The following CNOT10 variants were observed in gnomAD, a reference collection of about 807,000 sequenced individuals.
CNOT10 encodes CCR4-NOT transcription complex, subunit 10.
In CNOT10, 30 loss-of-function variants were observed where a neutral mutation model predicts 94.6. The ratio of observed to expected loss-of-function variants is 0.32; its 90% CI spans 0.24 to 0.43. CNOT10 has a LOEUF of 0.43. Among genes scored for constraint, CNOT10 ranks in the 20% least tolerant of loss-of-function variants. CNOT10 has a pLI of 1.00. For missense variants in CNOT10, 759 were observed against 877.2 expected (o/e 0.87, Z 1.70); for synonymous variants, 289 against 301.6 (o/e 0.96, Z 0.43).
At chr3:32,738,094 T>C (rs1699275445) in intron 13 of CNOT10, among the ~76,000 whole-genome samples, 1 of 152,166 alleles carries the variant, frequency 6.6e-6, no homozygotes, top group Admixed American at 6.6e-5. Context: ...AAGTGCTTCA[T>C]CTTCCTCTGT....
intron 10 of CNOT10, chr3:32,731,025 T>C (rs1315244285): frequency 2.0e-5 from 3 of 152,198 alleles, no homozygotes; most frequent in Admixed American, 6.6e-5. Flanking sequence ...TATCTAGCCA[T>C]TTGGATCAGT....
intron 18 of CNOT10, among the ~76,000 whole-genome samples, chr3:32,770,992 C>T (rs1398021374): frequency 6.6e-6 from 1 of 151,896 alleles, no homozygotes; most frequent in African/African-American, 2.4e-5. Flanking sequence ...GGATTATAGG[C>T]GTGAGCCAGA....
At chr3:32,697,686 G>A (rs1692978863) in intron 1 of CNOT10, among the ~76,000 whole-genome samples, 1 of 152,226 alleles carries the variant, frequency 6.6e-6, no homozygotes, top group Non-Finnish European at 1.5e-5. Flanking sequence ...TGTTTCCCAG[G>A]CTGGTCTGGA....
At chr3:32,735,459 G>A (rs1699147329) in intron 12 of CNOT10, among the ~76,000 whole-genome samples, 1 of 152,300 alleles carries the variant, frequency 6.6e-6, no homozygotes, top group South Asian at 2.1e-4. Context: ...TGTAATCCCA[G>A]CACTTTGGGA....
chr3:32,687,943 G>C (rs1219854861), intron 1 of CNOT10, among the ~76,000 whole-genome samples: 1 of 152,108 alleles, frequency 6.6e-6, no homozygotes, highest in Non-Finnish European at 1.5e-5. Context: ...CTTACATGCT[G>C]CTTCCTCTCT....
intron 17 of CNOT10, 131 bp from the exon 18 acceptor site, chr3:32,769,756 C>T (rs964988113): frequency 2.9e-5 from 20 of 690,050 alleles, no homozygotes; most frequent in Non-Finnish European, 5.0e-5. Flanking sequence ...AGCAGAACAA[C>T]AGGTAGTCCC....
At chr3:32,723,534 A>G (rs1698517023) in intron 8 of CNOT10, among the ~76,000 whole-genome samples, 1 of 152,210 alleles carries the variant, frequency 6.6e-6, no homozygotes, top group African/African-American at 2.4e-5. Context: ...TAATTTTGTG[A>G]TGGAGAAGGC....
chr3:32,734,287 C>G (rs545879259), intron 11 of CNOT10, among the ~76,000 whole-genome samples: 1 of 152,090 alleles, frequency 6.6e-6, no homozygotes, highest in Non-Finnish European at 1.5e-5. Flanking sequence ...TAAAGATTCT[C>G]TTTGGGTATA....
intron 8 of CNOT10, among the ~76,000 whole-genome samples, chr3:32,721,810 C>G (rs1286299341): frequency 6.6e-6 from 1 of 151,512 alleles, no homozygotes; most frequent in Non-Finnish European, 1.5e-5. Flanking sequence ...CCGCGCCCGG[C>G]TAATTTTTTG....
chr3:32,728,292 TCTC>T (rs1314952077), intron 10 of CNOT10, among the ~76,000 whole-genome samples: 1 of 152,012 alleles, frequency 6.6e-6, no homozygotes. Flanking sequence ...TGTATAGTCT[TCTC>T]TTCTTAACCA....
chr3:32,725,024 T>A (rs943125866), intron 8 of CNOT10, among the ~76,000 whole-genome samples: 18 of 152,322 alleles, frequency 1.2e-4, no homozygotes, highest in African/African-American at 4.1e-4. Context: ...TGCATTTTTG[T>A]ATCATTTGTC....
In CNOT10 at chr3:32,685,247, C is replaced by G; in HGVS notation, c.-214C>G. The stretch of plus-strand genomic sequence containing the variant: ...GTATGGCGGGAGGCTGTGGCGGTCC[C>G]TTGGTGGGGAAGCTGTTGCTGTTGC... On this transcript the variant is annotated 5_prime_UTR_variant, in exon 1 of 19. Transcript: ENST00000328834. 1 of 541,446 alleles carries G rather than the reference C, an allele frequency of 1.8e-6. No homozygotes were observed. The highest frequency in any genetic ancestry group is 3.3e-6 in the Non-Finnish European group (1 of 302,162). 33.5% of individuals were successfully genotyped at this position (541,446 alleles called of 1,614,324 possible).
At chr3:32,745,751 C>A (rs770059823) in intron 13 of CNOT10, among the ~76,000 whole-genome samples, 1 of 152,198 alleles carries the variant, frequency 6.6e-6, no homozygotes, top group African/African-American at 2.4e-5. Flanking sequence ...GTAATCCCGA[C>A]GCTTTGGGAG....
At chr3:32,714,851 TC>T (rs906580822) in intron 5 of CNOT10, among the ~76,000 whole-genome samples, 15 of 152,182 alleles carry the variant, frequency 9.9e-5, no homozygotes, top group Non-Finnish European at 1.9e-4. Context: ...CCTTCTTACT[TC>T]CGTTTTCTGT....
At chr3:32,765,075 C>T (rs1307610742) in intron 17 of CNOT10, 17 of 1,095,040 alleles carry the variant, frequency 1.6e-5, no homozygotes, top group Non-Finnish European at 2.1e-5. Flanking sequence ...CCTCCCAGCA[C>T]TTTGGGAGGC....
chr3:32,744,403 A>G (rs1319442930), intron 13 of CNOT10, among the ~76,000 whole-genome samples: 1 of 152,194 alleles, frequency 6.6e-6, no homozygotes. Flanking sequence ...GTAAATTATC[A>G]TGACTTTTCC....
intron 14 of CNOT10, among the ~76,000 whole-genome samples, 173 bp from the exon 15 acceptor site, chr3:32,762,560 T>G (rs947502773): frequency 1.3e-5 from 2 of 152,170 alleles, no homozygotes; most frequent in Non-Finnish European, 2.9e-5. Flanking sequence ...CATGAGCCAC[T>G]ACACCCAGGC....
chr3:32,748,462 TAAC>T (rs1418140370), intron 13 of CNOT10, among the ~76,000 whole-genome samples: 1 of 152,182 alleles, frequency 6.6e-6, no homozygotes, highest in Non-Finnish European at 1.5e-5. Context: ...GTTTTTGAAA[TAAC>T]AATGATTGAT....
At position 32,718,258 on chromosome 3, in the gene CNOT10, CTTTTTT is replaced by C. The variant is rs376879885; in HGVS notation, c.744+1038_744+1043del. The stretch of plus-strand genomic sequence containing the variant: ...AGTTAGCCAGCCACCCATTATCAAA[CTTTTTT>C]TTTTTTTTTTTTTTTTAATGATAAA... On this transcript the variant is annotated intron_variant, in intron 7 of 18. Coordinates refer to ENST00000328834, the MANE Select transcript of CNOT10 (RefSeq NM_015442.3). Among the ~76,000 whole-genome samples, 1,039 of 117,008 alleles carry C rather than the reference CTTTTTT, an allele frequency of 8.9e-3. 13 individuals are homozygous for C. Among genetic ancestry groups the C allele is most frequent in the African/African-American group, 0.032 (1,000 of 31,730 alleles). 76.8% of individuals were successfully genotyped at this position (117,008 alleles called of 152,430 possible).
Sources: allele counts gnomAD v4.1 joint callset (sites outside exome capture counted in the v4.1 genomes callset), GRCh38; gene constraint gnomAD v4.1.1; transcripts MANE v1.5; gene names NCBI Gene and HGNC (gene_info 2026-07-23, HGNC 2026-07-21).